NFE2L2: variants seen among roughly 807,000 people sequenced by gnomAD.
The protein encoded by NFE2L2 is nuclear factor erythroid 2-related factor 2.
Under a neutral mutation model 49.6 loss-of-function variants are expected in NFE2L2, and 20 were observed. That is an observed-to-expected ratio of 0.40 (90% CI 0.28 to 0.59). The LOEUF (loss-of-function observed/expected upper bound fraction) is 0.59, where lower values mean the gene tolerates loss of function less well. Among genes scored for constraint, NFE2L2 ranks in the 20% least tolerant of loss-of-function variants. The pLI, the probability that NFE2L2 is intolerant of heterozygous loss-of-function variation, is 0.40. For missense variants in NFE2L2, 578 were observed against 714.2 expected (o/e 0.81, Z 2.17); for synonymous variants, 244 against 256.5 (o/e 0.95, Z 0.47).
rs1288154901 is a variant in NFE2L2 at position 177,231,395 on chromosome 2, A to C, written c.1208T>G (p.Met403Arg). The C allele has an allele frequency of 6.2e-7, 1 of 1,614,136 alleles. No homozygotes were observed. Among genetic ancestry groups the C allele is most frequent in the Non-Finnish European group, 8.5e-7 (1 of 1,180,052 alleles). ...PKTPVHSSGDMVQPLSPSQGQ... is the reference protein window; with the variant it reads ...PKTPVHSSGDRVQPLSPSQGQ... The stretch of plus-strand genomic sequence containing the variant: ...CTGAGATGGTGACAAGGGTTGTACC[A>C]TATCCCCAGAAGAATGTACTGGTGT... The change falls in exon 5 of 5, where the codon ATG becomes AGG. Residue 403 changes from methionine (M) to arginine (R), a missense_variant. By Grantham distance (91) the Met-to-Arg change is moderately conservative (BLOSUM62 -1). Transcript: ENST00000397062.
chr2:177,244,958 G>A (rs888070864), intron 1 of NFE2L2, among the ~76,000 whole-genome samples: 1 of 141,744 alleles, frequency 7.1e-6, no homozygotes, highest in South Asian at 2.2e-4. Flanking sequence ...ACCCAAGATC[G>A]TGCCACTGCA....
chr2:177,242,411 A>G (rs898178205), intron 1 of NFE2L2, among the ~76,000 whole-genome samples: 1 of 152,248 alleles, frequency 6.6e-6, no homozygotes, highest in Non-Finnish European at 1.5e-5. Context: ...TTTTAACAGC[A>G]TAAAAAAGCC....
chr2:177,259,185 C>T (rs1460697058), intron 1 of NFE2L2, among the ~76,000 whole-genome samples: 1 of 152,080 alleles, frequency 6.6e-6, no homozygotes, highest in Admixed American at 6.6e-5. Flanking sequence ...ACTTGTAATC[C>T]CAGCTACTTG....
Position 177,234,163 on chromosome 2 carries a change from T to C in NFE2L2, c.154A>G (p.Lys52Glu), listed in dbSNP as rs1305022365. 6.2e-7 allele frequency: 1 copy of C among 1,614,204 alleles called. No homozygotes were observed. Residue 52 changes from lysine to glutamate, a missense_variant, in exon 2 of 5, where the codon AAA becomes GAA. Lys to Glu is a moderately conservative substitution (Grantham distance 56). Transcript: ENST00000397062. ...TCTTGTCTTTCCTTTTCAAGTTTTT[T>C]CTGTTTTTCCAGCTCATACTCTTTC... ...RRKEYELEKQ[K>E]KLEKERQEQL...
intron 1 of NFE2L2, among the ~76,000 whole-genome samples, chr2:177,254,215 T>G (rs546131811): frequency 6.6e-6 from 1 of 152,214 alleles, no homozygotes; most frequent in Non-Finnish European, 1.5e-5. Flanking sequence ...ATTACCATAT[T>G]AAATGTTGCT....
At chr2:177,235,769 G>A (rs1435577031) in intron 1 of NFE2L2, among the ~76,000 whole-genome samples, 2 of 152,168 alleles carry the variant, frequency 1.3e-5, no homozygotes, top group African/African-American at 4.8e-5. Flanking sequence ...CAAGGCCATG[G>A]TGAGCTGTGA....
At chr2:177,233,192 T>C in intron 3 of NFE2L2, 58 bp downstream of exon 3, 2 of 1,358,212 alleles carry the variant, frequency 1.5e-6, no homozygotes, top group Middle Eastern at 1.8e-4. Flanking sequence ...ATAGAATAGA[T>C]TGTTATTTTA....
chr2:177,231,272 T>C lies in NFE2L2; in HGVS notation c.1331A>G (p.Asp444Gly), dbSNP rs547262443. ...PGHRKTPFTK[D>G]KHSSRLEAHL... ...AGCCTCCAAGCGGCTTGAATGTTTG[T>C]CTTTTGTGAATGGGGTTTTCCGATG... is the stretch of plus-strand genomic sequence containing the variant. The change falls in exon 5 of 5, where the codon GAC becomes GGC. Residue 444 changes from aspartate (D) to glycine (G), a missense_variant. Coordinates refer to ENST00000397062, the MANE Select transcript of NFE2L2 (RefSeq NM_006164.5). 6.2e-7 allele frequency: 1 copy of C among 1,614,234 alleles called. No individual in the cohort carries two copies. Among genetic ancestry groups the C allele is most frequent in the Admixed American group, 1.7e-5 (1 of 60,024 alleles).
chr2:177,260,553 T>C lies in NFE2L2; in HGVS notation c.45+3979A>G, dbSNP rs188222526. Among the ~76,000 whole-genome samples, 236 of 152,308 alleles carry C rather than the reference T, an allele frequency of 1.5e-3. 2 individuals are homozygous for C. Among genetic ancestry groups the C allele is most frequent in the Non-Finnish European group, 2.5e-3 (171 of 68,018 alleles). On this transcript the variant is annotated intron_variant, in intron 1 of 4. Coordinates refer to ENST00000397062, the MANE Select transcript of NFE2L2 (RefSeq NM_006164.5). ...GCTATAGTTCAGAAGTGCCAAAACA[T>C]GAGATTAGGGTTGAATTTGCGCCAT...
intron 1 of NFE2L2, among the ~76,000 whole-genome samples, chr2:177,236,272 C>CA (rs1309837588): frequency 1.3e-5 from 2 of 152,240 alleles, no homozygotes; most frequent in African/African-American, 4.8e-5. Flanking sequence ...CTAGATGGCA[C>CA]AGGCCACCTG....
At chr2:177,247,766 G>A (rs1177094654) in intron 1 of NFE2L2, among the ~76,000 whole-genome samples, 1 of 151,992 alleles carries the variant, frequency 6.6e-6, no homozygotes, top group Non-Finnish European at 1.5e-5. Flanking sequence ...TTAACCACTG[G>A]TGTGTGCCTA....
At chr2:177,243,072 T>C (rs916267672) in intron 1 of NFE2L2, among the ~76,000 whole-genome samples, 3 of 152,168 alleles carry the variant, frequency 2.0e-5, no homozygotes, top group Non-Finnish European at 4.4e-5. Context: ...AAGCCATGTA[T>C]GTATTGAGTT....
intron 1 of NFE2L2, among the ~76,000 whole-genome samples, chr2:177,248,129 G>A (rs1022259026): frequency 1.8e-4 from 28 of 152,174 alleles, no homozygotes; most frequent in African/African-American, 6.0e-4. Context: ...TTATAAATGA[G>A]GATCCTGAGG....
intron 1 of NFE2L2, among the ~76,000 whole-genome samples, chr2:177,251,021 A>G (rs1690319277): frequency 1.3e-5 from 2 of 152,254 alleles, no homozygotes; most frequent in African/African-American, 4.8e-5. Flanking sequence ...CCAAATGACC[A>G]TGAGAAGCAT....
At chr2:177,251,412 G>C (rs1461334895) in intron 1 of NFE2L2, among the ~76,000 whole-genome samples, 1 of 152,174 alleles carries the variant, frequency 6.6e-6, no homozygotes, top group Non-Finnish European at 1.5e-5. Flanking sequence ...CTCAGAGTAA[G>C]AAATGCTGCC....
intron 1 of NFE2L2, chr2:177,263,575 G>T: frequency 1.0e-6 from 1 of 985,492 alleles, no homozygotes; most frequent in Non-Finnish European, 1.2e-6. Context: ...TATAAAGCAG[G>T]AAAGGGCCAA....
chr2:177,244,530 G>A (rs568018515), intron 1 of NFE2L2, among the ~76,000 whole-genome samples: 1 of 152,244 alleles, frequency 6.6e-6, no homozygotes, highest in East Asian at 1.9e-4. Flanking sequence ...CATGGAGGAG[G>A]TGCCACTAAA....
Position 177,230,774 on chromosome 2 carries a change from T to A in NFE2L2, c.*11A>T, listed in dbSNP as rs1229080138. On this transcript the variant is annotated 3_prime_UTR_variant, in exon 5 of 5. Coordinates refer to ENST00000397062, the MANE Select transcript of NFE2L2 (RefSeq NM_006164.5). The stretch of plus-strand genomic sequence containing the variant: ...AAAAACTAGCTCAGAAAAGGTCAAA[T>A]CCTCCTAAATCTAGTTTTTCTTAAC... 1 of 1,564,500 alleles carries A rather than the reference T, an allele frequency of 6.4e-7. No individual in the cohort carries two copies. Among genetic ancestry groups the A allele is most frequent in the South Asian group, 1.2e-5 (1 of 81,606 alleles).
rs1188708284 is a variant in NFE2L2 at position 177,264,279 on chromosome 2, T to C, written c.45+253A>G. The stretch of plus-strand genomic sequence containing the variant: ...CCAAGGCCCACGCGAGCGGGCTCAG[T>C]CCCCAGACCTTCCCGCAACTTCCCA... On this transcript the variant is annotated intron_variant, in intron 1 of 4. Coordinates refer to ENST00000397062, the MANE Select transcript of NFE2L2 (RefSeq NM_006164.5). 8.9e-6 allele frequency: 4 copies of C among 451,610 alleles called. No homozygotes were observed. The East Asian group carries it at 1.5e-4, about 17-fold the overall frequency. The allele number at this position is 451,610 out of a possible 1,614,324, so 28.0% of individuals were successfully genotyped here. A position where few individuals can be genotyped will look rare whatever the true frequency, so the allele number is the denominator to read the frequency against.
Sources: gnomAD v4.1 joint callset for allele counts (sites outside exome capture counted in the v4.1 genomes callset) on GRCh38, gnomAD v4.1.1 for gene constraint, MANE v1.5 for transcripts, NCBI Gene and HGNC (gene_info 2026-07-23, HGNC 2026-07-21) for gene names.